UBE2E2: variants seen among roughly 807,000 people sequenced by gnomAD.
The protein encoded by UBE2E2 is ubiquitin conjugating enzyme E2 E2, also known as ubiquitin-conjugating enzyme E2 E2.
A neutral mutation model predicts 24.7 loss-of-function variants in UBE2E2; 6 were observed. The observed-to-expected ratio is 0.24, with a 90% CI of 0.13 to 0.48. The LOEUF is 0.48. UBE2E2 is among the 20% of genes least tolerant of loss of function. The probability of loss-of-function intolerance (pLI) is 0.99; values close to 1 mark genes in which losing one functional copy is unlikely to be tolerated. For missense variants in UBE2E2, 169 were observed against 245.0 expected, an observed-to-expected ratio of 0.69 and a Z score of 2.07; for synonymous variants, 104 against 83.6, an observed-to-expected ratio of 1.24 and a Z score of -1.33.
In UBE2E2 at chr3:23,270,613, C is replaced by T. The variant is rs181324154; in HGVS notation, c.227+53301C>T. ...GAAGCAGACAGGGTAGGTTCTGATA[C>T]AGGTACCAACTGAGTGTTTCGGTCT... On this transcript the variant is annotated intron_variant, in intron 3 of 5. Coordinates refer to ENST00000396703, the MANE Select transcript of UBE2E2 (RefSeq NM_152653.4). Among the ~76,000 whole-genome samples the T allele has an allele frequency of 7.4e-4, 113 of 152,290 alleles. 2 individuals are homozygous for T. Among genetic ancestry groups the T allele is most frequent in the Non-Finnish European group, 1.5e-3 (101 of 68,022 alleles).
At chr3:23,573,905 A>G (rs747733791) in intron 5 of UBE2E2, among the ~76,000 whole-genome samples, 5 of 152,230 alleles carry the variant, frequency 3.3e-5, no homozygotes, top group Admixed American at 6.5e-5. Context: ...TCCTAGACTT[A>G]AAAACTTAGC....
chr3:23,382,178 A>ATTT (rs10645761), intron 3 of UBE2E2, among the ~76,000 whole-genome samples: 43,626 of 110,750 alleles, frequency 0.39, 8,390 homozygotes, highest in Admixed American at 0.48. Flanking sequence ...GAATACTTTA[A>ATTT]TTTTTTTTTT....
chr3:23,347,623 G>C (rs141400472), intron 3 of UBE2E2, among the ~76,000 whole-genome samples: 5 of 151,932 alleles, frequency 3.3e-5, no homozygotes, highest in Non-Finnish European at 7.4e-5. Flanking sequence ...TGATGGGTGC[G>C]GCAAACCAAC....
At chr3:23,439,411 C>A (rs1159379129) in intron 3 of UBE2E2, among the ~76,000 whole-genome samples, 1 of 152,204 alleles carries the variant, frequency 6.6e-6, no homozygotes, top group African/African-American at 2.4e-5. Flanking sequence ...ACCCCTCCTC[C>A]TCCATGTCTT....
At chr3:23,454,573 A>C (rs1369328361) in intron 3 of UBE2E2, among the ~76,000 whole-genome samples, 1 of 152,244 alleles carries the variant, frequency 6.6e-6, no homozygotes, top group African/African-American at 2.4e-5. Context: ...TTACAGTACA[A>C]GAAATACCTC....
chr3:23,390,540 A>T (rs534436423), intron 3 of UBE2E2, among the ~76,000 whole-genome samples: 1 of 152,304 alleles, frequency 6.6e-6, no homozygotes, highest in Admixed American at 6.5e-5. Context: ...TCCTTCCTAG[A>T]TGCTGAACAC....
chr3:23,464,479 T>C (rs1698881365), intron 3 of UBE2E2, among the ~76,000 whole-genome samples: 1 of 152,162 alleles, frequency 6.6e-6, no homozygotes, highest in African/African-American at 2.4e-5. Context: ...TTCTAAAACC[T>C]AATAAGAATA....
At chr3:23,225,984 A>T (rs138165289) in intron 3 of UBE2E2, among the ~76,000 whole-genome samples, 1 of 152,070 alleles carries the variant, frequency 6.6e-6, no homozygotes, top group Non-Finnish European at 1.5e-5. Flanking sequence ...GGTTCAAGCA[A>T]TTCTCTTGCC....
chr3:23,358,443 T>A (rs181931093), intron 3 of UBE2E2, among the ~76,000 whole-genome samples: 32 of 152,316 alleles, frequency 2.1e-4, no homozygotes, highest in African/African-American at 7.5e-4. Flanking sequence ...TTTGTCACAA[T>A]AAAATGTTCT....
rs920384470 is a variant in UBE2E2, at chr3:23,280,793, A to C, written c.227+63481A>C. ...TTTACTGATTCTGCTTTTTTCCATGAATGTTGCCTTCTCTCGTGTTTCACA... is the reference window on the plus strand; with the variant it reads ...TTTACTGATTCTGCTTTTTTCCATGCATGTTGCCTTCTCTCGTGTTTCACA... On this transcript the variant is annotated intron_variant, in intron 3 of 5. Transcript: ENST00000396703. The surrounding 1 kb of genome is among the most constrained non-coding windows in gnomAD (Gnocchi z 4.3). Among the ~76,000 whole-genome samples, 1 of 152,082 alleles carries C rather than the reference A, an allele frequency of 6.6e-6. No homozygotes were observed. The highest frequency in any genetic ancestry group is 1.9e-4 in the East Asian group (1 of 5,194).
intron 5 of UBE2E2, among the ~76,000 whole-genome samples, chr3:23,586,528 C>T (rs1037081419): frequency 6.6e-6 from 1 of 152,008 alleles, no homozygotes; most frequent in Non-Finnish European, 1.5e-5. Flanking sequence ...GAACTCCTGG[C>T]CTCAAGCTGT....
chr3:23,472,729 G>A (rs952690133), intron 3 of UBE2E2, among the ~76,000 whole-genome samples: 2 of 151,030 alleles, frequency 1.3e-5, no homozygotes, highest in African/African-American at 4.9e-5. Flanking sequence ...GCTCACTGCA[G>A]CCTCAACCTC....
intron 3 of UBE2E2, among the ~76,000 whole-genome samples, chr3:23,252,150 G>T (rs1300871974): frequency 6.6e-6 from 1 of 152,058 alleles, no homozygotes. Context: ...GTGATATCTT[G>T]GTGGTTTAAA....
chr3:23,228,980 ATT>A (rs35325265), intron 3 of UBE2E2, among the ~76,000 whole-genome samples: 40,011 of 151,838 alleles, frequency 0.26, 5,613 homozygotes, highest in Non-Finnish European at 0.32. Context: ...AGTATCGACC[ATT>A]TTTCCTCCAC....
At chr3:23,370,131 A>G (rs138553530) in intron 3 of UBE2E2, among the ~76,000 whole-genome samples, 3 of 152,004 alleles carry the variant, frequency 2.0e-5, no homozygotes, top group African/African-American at 4.8e-5. Context: ...CCATTGTTGC[A>G]TTTTGTTTTT....
chr3:23,431,990 T>C (rs1465628807), intron 3 of UBE2E2, among the ~76,000 whole-genome samples: 3 of 152,184 alleles, frequency 2.0e-5, no homozygotes, highest in Non-Finnish European at 4.4e-5. Flanking sequence ...TTATATCTAA[T>C]GATTTAAGTG....
intron 5 of UBE2E2, among the ~76,000 whole-genome samples, chr3:23,559,811 G>A (rs1418725416): frequency 6.6e-6 from 1 of 152,108 alleles, no homozygotes; most frequent in African/African-American, 2.4e-5. Context: ...TATCTTTATA[G>A]GAATGGTTCT....
At chr3:23,337,933 T>C (rs1002690713) in intron 3 of UBE2E2, among the ~76,000 whole-genome samples, 32 of 151,970 alleles carry the variant, frequency 2.1e-4, no homozygotes, top group African/African-American at 7.5e-4. Flanking sequence ...GGAAGCAAAA[T>C]TGGATGTGGG....
At chr3:23,404,261 T>C (rs1697302398) in intron 3 of UBE2E2, among the ~76,000 whole-genome samples, 1 of 152,186 alleles carries the variant, frequency 6.6e-6, no homozygotes, top group African/African-American at 2.4e-5. Flanking sequence ...TTATTGAACA[T>C]TGGCTTTTTA....
Sources: gnomAD v4.1 joint callset for allele counts (sites outside exome capture counted in the v4.1 genomes callset) on GRCh38, gnomAD v4.1.1 for gene constraint, Gnocchi (gnomAD v3.1) non-coding constraint, MANE v1.5 for transcripts, NCBI Gene and HGNC (gene_info 2026-07-23, HGNC 2026-07-21) for gene names.